The following THADA variants were observed in gnomAD, a reference collection of about 807,000 sequenced individuals.
The protein encoded by THADA is tRNA (32-2'-O)-methyltransferase regulator THADA.
In THADA, 213 loss-of-function variants were observed where a neutral mutation model predicts 219.8. The observed-to-expected ratio is 0.97, with a 90% CI of 0.87 to 1.09. The LOEUF (loss-of-function observed/expected upper bound fraction) is 1.09, where lower values mean the gene tolerates loss of function less well. THADA is among the 50% of genes least tolerant of loss of function. THADA has a pLI of 0.00. For missense variants in THADA, 2,956 were observed against 2,311.3 expected (o/e 1.28, Z -5.72); for synonymous variants, 1,018 against 828.9 (o/e 1.23, Z -3.92).
chr2:43,544,283 T>C (rs544041949), intron 20 of THADA, among the ~76,000 whole-genome samples: 2 of 152,362 alleles, frequency 1.3e-5, no homozygotes, highest in South Asian at 4.1e-4. Flanking sequence ...TGTAGCCTTA[T>C]AGCATAGTTT....
chr2:43,256,417 G>GAATT (rs920649346), intron 36 of THADA, among the ~76,000 whole-genome samples: 1 of 150,946 alleles, frequency 6.6e-6, no homozygotes, highest in African/African-American at 2.4e-5. Context: ...TTTTGACATT[G>GAATT]TATTTATTTA....
chr2:43,499,440 A>C (rs1459799775), intron 24 of THADA, among the ~76,000 whole-genome samples: 1 of 152,172 alleles, frequency 6.6e-6, no homozygotes, highest in Non-Finnish European at 1.5e-5. Context: ...AGAATGGCAC[A>C]GTCTCGGCTC....
intron 21 of THADA, 76 bp downstream of exon 21, chr2:43,541,083 G>C (rs1695233605): frequency 2.2e-6 from 3 of 1,364,742 alleles, no homozygotes; most frequent in Non-Finnish European, 2.9e-6. Flanking sequence ...CCTTTTTTTA[G>C]AGTTGGGTTA....
At chr2:43,573,021 T>C in intron 11 of THADA, 29 bp from the exon 12 acceptor site, 1 of 1,578,556 alleles carries the variant, frequency 6.3e-7, no homozygotes, top group East Asian at 2.3e-5. Flanking sequence ...AGACCATTAC[T>C]GTATTATGCA....
intron 26 of THADA, among the ~76,000 whole-genome samples, chr2:43,477,056 G>T (rs1175359231): frequency 6.6e-6 from 1 of 152,086 alleles, no homozygotes; most frequent in Non-Finnish European, 1.5e-5. Flanking sequence ...AGTGTATTTA[G>T]CTGTAACTAA....
At chr2:43,365,983 T>A in intron 29 of THADA, among the ~76,000 whole-genome samples, 1 of 152,204 alleles carries the variant, frequency 6.6e-6, no homozygotes, top group Admixed American at 6.5e-5. Context: ...GAGCAGGGTC[T>A]AAAGCAAGTG....
At chr2:43,392,240 T>C (rs930950543) in intron 29 of THADA, among the ~76,000 whole-genome samples, 2 of 152,232 alleles carry the variant, frequency 1.3e-5, no homozygotes, top group Admixed American at 6.5e-5. Context: ...CATTGACTCA[T>C]ATGGTTACAT....
chr2:43,573,849 T>A (rs1250414107), intron 11 of THADA, among the ~76,000 whole-genome samples: 2 of 152,162 alleles, frequency 1.3e-5, no homozygotes, highest in Non-Finnish European at 2.9e-5. Context: ...CAATGGGATG[T>A]TTACCCCTAT....
At chr2:43,577,669 T>C (rs1202058890) in intron 9 of THADA, among the ~76,000 whole-genome samples, 5 of 152,034 alleles carry the variant, frequency 3.3e-5, no homozygotes, top group African/African-American at 1.2e-4. Flanking sequence ...CCATACAATA[T>C]AGCAAGCAAA....
At chr2:43,489,104 T>C (rs1687282148) in intron 25 of THADA, among the ~76,000 whole-genome samples, 1 of 152,228 alleles carries the variant, frequency 6.6e-6, no homozygotes, top group Non-Finnish European at 1.5e-5. Flanking sequence ...TTCTGTGGGT[T>C]GTCTTTATAC....
At chr2:43,574,113 T>G (rs986643717) in intron 11 of THADA, among the ~76,000 whole-genome samples, 1 of 152,234 alleles carries the variant, frequency 6.6e-6, no homozygotes, top group African/African-American at 2.4e-5. Flanking sequence ...TTTATCATTT[T>G]AAGTGGAATT....
chr2:43,539,912 G>T (rs1034498211), intron 21 of THADA, among the ~76,000 whole-genome samples: 1 of 151,934 alleles, frequency 6.6e-6, no homozygotes, highest in Non-Finnish European at 1.5e-5. Flanking sequence ...AAAGTGTCAA[G>T]GCAAAATAAT....
intron 29 of THADA, among the ~76,000 whole-genome samples, chr2:43,354,427 TA>T (rs1668651919): frequency 6.6e-6 from 1 of 152,024 alleles, no homozygotes; most frequent in Non-Finnish European, 1.5e-5. Context: ...TGACTGTAGT[TA>T]CCCTATTGTG....
chr2:43,346,982 C>T (rs1244225855), intron 29 of THADA, among the ~76,000 whole-genome samples: 1 of 152,186 alleles, frequency 6.6e-6, no homozygotes, highest in Non-Finnish European at 1.5e-5. Flanking sequence ...GACACATTCC[C>T]TTGGGTTTTG....
chr2:43,233,338 G>A (rs535664490), intron 36 of THADA: 25 of 159,384 alleles, frequency 1.6e-4, no homozygotes, highest in Middle Eastern at 3.2e-3. Flanking sequence ...GGGCCAGAGA[G>A]TCAATATTTT....
intron 35 of THADA, among the ~76,000 whole-genome samples, chr2:43,281,528 A>G (rs1029462970): frequency 5.1e-5 from 7 of 138,418 alleles, no homozygotes; most frequent in Non-Finnish European, 4.6e-5. Context: ...CGCAACCTCC[A>G]CCTCCCAGGT....
At chr2:43,578,665 G>A in intron 8 of THADA, 58 bp from the exon 9 acceptor site, 5 of 1,304,076 alleles carry the variant, frequency 3.8e-6, no homozygotes, top group Non-Finnish European at 5.4e-6. Context: ...TGGTAGAGTG[G>A]AAAGAGCAGA....
chr2:43,397,842 A>AG lies in THADA; in HGVS notation c.4227+128dup, dbSNP rs558455226. ...AGGAGATACCTGATCTTTCGGAAGTAGAAAAAAAAAAGTTCTACAGATAAA... is the reference window on the plus strand; with the variant it reads ...AGGAGATACCTGATCTTTCGGAAGTAGGAAAAAAAAAAGTTCTACAGATAAA... On this transcript the variant is annotated intron_variant, in intron 29 of 37. Coordinates refer to ENST00000405975, the MANE Select transcript of THADA (RefSeq NM_022065.5). 60 of 885,640 alleles carry AG rather than the reference A, an allele frequency of 6.8e-5. No homozygotes were observed. In the East Asian group the frequency reaches 9.5e-4, roughly 14 times the overall value. The allele number at this position is 885,640 out of a possible 1,614,324, so 54.9% of individuals were successfully genotyped here. A position where few individuals can be genotyped will look rare whatever the true frequency, so the allele number is the denominator to read the frequency against.
At chr2:43,539,372 T>A (rs1213150001) in intron 21 of THADA, among the ~76,000 whole-genome samples, 1 of 152,242 alleles carries the variant, frequency 6.6e-6, no homozygotes, top group East Asian at 1.9e-4. Flanking sequence ...TAAGCACATG[T>A]AAGTATATTT....
Sources: gnomAD v4.1 joint callset for allele counts (sites outside exome capture counted in the v4.1 genomes callset) on GRCh38, gnomAD v4.1.1 for gene constraint, MANE v1.5 for transcripts, NCBI Gene and HGNC (gene_info 2026-07-23, HGNC 2026-07-21) for gene names.